SHISA6: variants seen among roughly 807,000 people sequenced by gnomAD.
The protein encoded by SHISA6 is protein shisa-6.
A neutral mutation model predicts 47.9 loss-of-function variants in SHISA6; 22 were observed. The ratio of observed to expected loss-of-function variants is 0.46; its 90% CI spans 0.33 to 0.66. SHISA6 has a LOEUF of 0.66. Ranked by LOEUF, SHISA6 falls within the 30% of genes least tolerant of loss-of-function variation. The pLI, the probability that SHISA6 is intolerant of heterozygous loss-of-function variation, is 0.02. For missense variants in SHISA6, 680 were observed against 764.6 expected, an observed-to-expected ratio of 0.89 and a Z score of 1.30; for synonymous variants, 388 against 337.8, an observed-to-expected ratio of 1.15 and a Z score of -1.63.
At chr17:11,487,661 T>C (rs1916386008) in intron 3 of SHISA6, among the ~76,000 whole-genome samples, 1 of 152,222 alleles carries the variant, frequency 6.6e-6, no homozygotes, top group Non-Finnish European at 1.5e-5. Context: ...CCTGACTCTT[T>C]AGAAGACTGG....
intron 2 of SHISA6, among the ~76,000 whole-genome samples, chr17:11,275,836 C>T (rs758433): frequency 0.51 from 77,288 of 151,800 alleles, 20,711 homozygotes; most frequent in Admixed American, 0.61. Flanking sequence ...GATGAGGGGC[C>T]TTATGGGTCA....
At chr17:11,431,541 G>C (rs541854771) in intron 3 of SHISA6, among the ~76,000 whole-genome samples, 1 of 152,366 alleles carries the variant, frequency 6.6e-6, no homozygotes, top group East Asian at 1.9e-4. Flanking sequence ...GACACTGCCA[G>C]CTGCTAATTT....
At chr17:11,329,064 A>C (rs1567574464) in intron 2 of SHISA6, among the ~76,000 whole-genome samples, 2 of 152,216 alleles carry the variant, frequency 1.3e-5, no homozygotes, top group African/African-American at 4.8e-5. Flanking sequence ...ACATTGACTC[A>C]TCTTAGCCTG....
intron 3 of SHISA6, among the ~76,000 whole-genome samples, chr17:11,390,576 T>G (rs1196238305): frequency 1.3e-5 from 2 of 152,150 alleles, no homozygotes; most frequent in Admixed American, 1.3e-4. Context: ...ATACATGCAT[T>G]AAAATTTGAG....
intron 2 of SHISA6, among the ~76,000 whole-genome samples, chr17:11,345,510 A>G (rs1235563258): frequency 1.3e-5 from 2 of 152,178 alleles, no homozygotes; most frequent in African/African-American, 4.8e-5. Flanking sequence ...TTCTTAAGAA[A>G]AAACAACTGA....
intron 3 of SHISA6, among the ~76,000 whole-genome samples, chr17:11,543,135 T>C (rs1272787096): frequency 1.3e-5 from 2 of 152,218 alleles, no homozygotes; most frequent in African/African-American, 4.8e-5. Flanking sequence ...TACAAATATG[T>C]GGCTAATGCA....
chr17:11,337,561 G>A (rs983152833), intron 2 of SHISA6, among the ~76,000 whole-genome samples: 1 of 152,216 alleles, frequency 6.6e-6, no homozygotes, highest in African/African-American at 2.4e-5. Context: ...CAGAGTTCTT[G>A]GAAAGTGGGG....
At chr17:11,351,493 T>C (rs1911890434) in intron 2 of SHISA6, among the ~76,000 whole-genome samples, 1 of 152,192 alleles carries the variant, frequency 6.6e-6, no homozygotes, top group African/African-American at 2.4e-5. Flanking sequence ...CTTTCAAGTT[T>C]CAACTCAAGC....
In SHISA6 at chr17:11,455,381, C is replaced by G. The variant is rs151162895; in HGVS notation, c.895+75872C>G. ...ACAACAATGCCTGGCACACAGCAAA[C>G]GTGATGTAAATGTGAGACTAAAAAT... On this transcript the variant is annotated intron_variant, in intron 3 of 5. Coordinates refer to ENST00000441885, the MANE Select transcript of SHISA6 (RefSeq NM_207386.4). Among the ~76,000 whole-genome samples, 166 of 152,194 alleles carry G rather than the reference C, an allele frequency of 1.1e-3. 3 individuals carry two copies. Among genetic ancestry groups the G allele is most frequent in the Non-Finnish European group, 6.5e-4 (44 of 68,016 alleles).
chr17:11,354,829 A>G (rs1238554745), intron 2 of SHISA6, among the ~76,000 whole-genome samples: 4 of 152,160 alleles, frequency 2.6e-5, no homozygotes, highest in Non-Finnish European at 4.4e-5. Context: ...ATGAAATGTG[A>G]CGGAAGGCTC....
intron 1 of SHISA6, among the ~76,000 whole-genome samples, chr17:11,256,946 G>A (rs1255702441): frequency 6.6e-6 from 1 of 152,196 alleles, no homozygotes; most frequent in African/African-American, 2.4e-5. Flanking sequence ...CGGCTTGCCT[G>A]AAAAACAAAA....
At chr17:11,276,913 A>G (rs1053473159) in intron 2 of SHISA6, among the ~76,000 whole-genome samples, 3 of 152,286 alleles carry the variant, frequency 2.0e-5, no homozygotes, top group Middle Eastern at 3.4e-3. Context: ...GAAATTTGTC[A>G]TTGTTTTAAT....
In SHISA6 at chr17:11,269,901, A is replaced by G. The variant is rs114522281; in HGVS notation, c.799+6375A>G. Among the ~76,000 whole-genome samples the G allele has an allele frequency of 8.6e-3, 1,306 of 152,290 alleles. 24 individuals carry two copies. Among genetic ancestry groups the G allele is most frequent in the African/African-American group, 0.03 (1,258 of 41,552 alleles). ...CAATTTTAAGTCTTCACTCTCCAAT[A>G]TATTGGTTCCTAGCCACATGCGACT... is the stretch of plus-strand genomic sequence containing the variant. On this transcript the variant is annotated intron_variant, in intron 2 of 5. Transcript: ENST00000441885.
intron 2 of SHISA6, among the ~76,000 whole-genome samples, chr17:11,364,088 G>A (rs1425511912): frequency 6.6e-6 from 1 of 152,038 alleles, no homozygotes; most frequent in African/African-American, 2.4e-5. Context: ...ACCCCAATTT[G>A]GTGACTTGCC....
At chr17:11,541,220 G>C (rs1405837566) in intron 3 of SHISA6, among the ~76,000 whole-genome samples, 1 of 152,216 alleles carries the variant, frequency 6.6e-6, no homozygotes, top group East Asian at 1.9e-4. Context: ...GAGGTCAGGT[G>C]AGTAGGAGGA....
intron 3 of SHISA6, among the ~76,000 whole-genome samples, chr17:11,394,852 G>T (rs2098074): frequency 6.6e-6 from 1 of 151,198 alleles, no homozygotes; most frequent in Non-Finnish European, 1.5e-5. Context: ...TTTTCATTAC[G>T]TATAATATAT....
Position 11,355,287 on chromosome 17 carries a change from C to T in SHISA6, c.800-24127C>T, listed in dbSNP as rs529578727. 2.4e-3 allele frequency among the ~76,000 whole-genome samples: 371 copies of T among 152,310 alleles called. 1 individual carries two copies. The highest frequency in any genetic ancestry group is 0.024 in the Middle Eastern group (7 of 294). ...GTTCCATCAAACTGAAGTCGTATTC[C>T]GAAAACTGTCCCCTCGTGGTATCAC... On this transcript the variant is annotated intron_variant, in intron 2 of 5. Coordinates refer to ENST00000441885, the MANE Select transcript of SHISA6 (RefSeq NM_207386.4).
intron 3 of SHISA6, among the ~76,000 whole-genome samples, chr17:11,499,114 A>C (rs1191874334): frequency 6.6e-6 from 1 of 152,128 alleles, no homozygotes; most frequent in East Asian, 1.9e-4. Context: ...CACCCAGCCC[A>C]CTGAAGCTTA....
intron 2 of SHISA6, among the ~76,000 whole-genome samples, chr17:11,275,297 G>T (rs1425655616): frequency 6.6e-6 from 1 of 152,104 alleles, no homozygotes. Context: ...ACCCTCCAAA[G>T]GGGCTTGGAG....
Sources: allele counts gnomAD v4.1 joint callset (sites outside exome capture counted in the v4.1 genomes callset), GRCh38; gene constraint gnomAD v4.1.1; transcripts MANE v1.5; gene names NCBI Gene and HGNC (gene_info 2026-07-23, HGNC 2026-07-21).